The following CCNYL1 variants were observed in gnomAD, a reference collection of about 807,000 sequenced individuals.
CCNYL1 encodes cyclin Y like 1.
A neutral mutation model predicts 44.2 loss-of-function variants in CCNYL1; 16 were observed. That is an observed-to-expected ratio of 0.36 (90% CI 0.25 to 0.55). The LOEUF (loss-of-function observed/expected upper bound fraction) is 0.55. Among genes scored for constraint, CCNYL1 ranks in the 20% least tolerant of loss-of-function variants. CCNYL1 has a pLI of 0.85. For synonymous variants in CCNYL1, 159 were observed against 163.2 expected (o/e 0.97, Z 0.20); for missense variants, 348 against 451.8 (o/e 0.77, Z 2.08).
intron 1 of CCNYL1, among the ~76,000 whole-genome samples, chr2:207,716,936 C>G (rs895567471): frequency 2.0e-4 from 31 of 151,962 alleles, no homozygotes; most frequent in Non-Finnish European, 1.3e-4. Context: ...GGTGAAACCC[C>G]GTCTCTACGA....
chr2:207,746,996 T>G, intron 7 of CCNYL1, 51 bp from the exon 8 acceptor site: 1 of 1,356,326 alleles, frequency 7.4e-7, no homozygotes, highest in Non-Finnish European at 1.0e-6. Flanking sequence ...AAAAAGCTTA[T>G]CAAAGCATTT....
chr2:207,748,309 C>T (rs985640817), intron 8 of CCNYL1, among the ~76,000 whole-genome samples: 3 of 152,152 alleles, frequency 2.0e-5, no homozygotes, highest in Non-Finnish European at 4.4e-5. Flanking sequence ...CCTGGGCACT[C>T]GGACAACCAC....
intron 5 of CCNYL1, 84 bp from the exon 6 acceptor site, chr2:207,740,568 GCAT>G: frequency 4.8e-6 from 4 of 839,800 alleles, no homozygotes; most frequent in East Asian, 2.5e-5. Context: ...CAAACAGGAG[GCAT>G]CTCCCGCCAC....
intron 8 of CCNYL1, 81 bp from the exon 9 acceptor site, chr2:207,750,876 C>A: frequency 1.7e-6 from 2 of 1,208,764 alleles, no homozygotes; most frequent in South Asian, 1.4e-5. Context: ...CCATTCTAGT[C>A]TCTTAGAATG....
rs770646092 is a variant in CCNYL1 at position 207,715,379 on chromosome 2, CTTTTTT to C, written c.220+3280_220+3285del. Among the ~76,000 whole-genome samples the C allele has an allele frequency of 1.5e-4, 15 of 100,760 alleles. 1 individual carries two copies. The highest frequency in any genetic ancestry group is 3.0e-4 in the African/African-American group (8 of 26,432). 66.1% of individuals were successfully genotyped at this position (100,760 alleles called of 152,430 possible). On this transcript the variant is annotated intron_variant, in intron 1 of 9. Coordinates refer to ENST00000295414, the MANE Select transcript of CCNYL1 (RefSeq NM_001330218.2). The stretch of plus-strand genomic sequence containing the variant: ...CTCGGCTTTGTTCTTCAAGCTATTT[CTTTTTT>C]TTTTTTTTTTTTTTTTGACAGAGCT...
chr2:207,716,724 CAT>C (rs1422708218), intron 1 of CCNYL1, among the ~76,000 whole-genome samples: 9 of 152,164 alleles, frequency 5.9e-5, no homozygotes, highest in African/African-American at 1.9e-4. Flanking sequence ...CCGATAAAAA[CAT>C]ATTTTGATGA....
intron 5 of CCNYL1, among the ~76,000 whole-genome samples, chr2:207,738,815 G>C (rs1414268306): frequency 2.0e-5 from 3 of 151,962 alleles, no homozygotes; most frequent in Admixed American, 1.3e-4. Context: ...CGCCTCCCGG[G>C]TTCAAGCGAT....
intron 1 of CCNYL1, among the ~76,000 whole-genome samples, chr2:207,721,432 T>C (rs1559165207): frequency 6.6e-6 from 1 of 152,236 alleles, no homozygotes; most frequent in Non-Finnish European, 1.5e-5. Context: ...AGTTCCATAT[T>C]TTTACATTTT....
chr2:207,724,787 T>C lies in CCNYL1; in HGVS notation c.221-13T>C. The stretch of plus-strand genomic sequence containing the variant: ...CACCTAAAGTGTCACGTCTTTTTCC[T>C]CCTCTTCTATAGATTTAGCTTTGGA... On this transcript the variant is annotated splice_polypyrimidine_tract_variant and intron_variant, in intron 1 of 9. Transcript: ENST00000295414. The C allele has an allele frequency of 6.2e-7, 1 of 1,603,698 alleles. No individual in the cohort carries two copies. The highest frequency in any genetic ancestry group is 2.2e-5 in the East Asian group (1 of 44,796).
At chr2:207,712,499 C>T (rs1429960676) in intron 1 of CCNYL1, among the ~76,000 whole-genome samples, 3 of 152,080 alleles carry the variant, frequency 2.0e-5, no homozygotes, top group Admixed American at 1.3e-4. Flanking sequence ...AGTACTCATC[C>T]CATTCCCTCC....
chr2:207,745,599 C>G (rs553993419), intron 7 of CCNYL1, among the ~76,000 whole-genome samples: 1 of 152,312 alleles, frequency 6.6e-6, no homozygotes, highest in South Asian at 2.1e-4. Flanking sequence ...AGAACACTGC[C>G]AGATCTGATC....
At chr2:207,718,056 C>T (rs2091610617) in intron 1 of CCNYL1, among the ~76,000 whole-genome samples, 1 of 151,810 alleles carries the variant, frequency 6.6e-6, no homozygotes, top group African/African-American at 2.4e-5. Flanking sequence ...AAGCACGTGC[C>T]ACCACACCCG....
chr2:207,742,450 T>A, intron 7 of CCNYL1, 108 bp downstream of exon 7: 1 of 1,019,810 alleles, frequency 9.8e-7, no homozygotes, highest in Non-Finnish European at 1.4e-6. Flanking sequence ...ATCAGAACTT[T>A]AAGAGAAACC....
At chr2:207,724,072 G>T (rs551636374) in intron 1 of CCNYL1, among the ~76,000 whole-genome samples, 2 of 152,094 alleles carry the variant, frequency 1.3e-5, no homozygotes. Flanking sequence ...TCTTGACATA[G>T]ATAGGGGCAA....
chr2:207,746,137 A>C (rs1030836140), intron 7 of CCNYL1, among the ~76,000 whole-genome samples: 3 of 152,242 alleles, frequency 2.0e-5, no homozygotes, highest in African/African-American at 7.2e-5. Context: ...CCAGGGGTCC[A>C]GAGACATCCT....
In CCNYL1 at chr2:207,754,993, G is replaced by T. The variant is rs1328603307; in HGVS notation, c.*1295G>T. 1 of 152,054 alleles carries T rather than the reference G, an allele frequency of 6.6e-6. No homozygotes were observed. The highest frequency in any genetic ancestry group is 1.5e-5 in the Non-Finnish European group (1 of 68,032). 9.4% of individuals were successfully genotyped at this position (152,054 alleles called of 1,614,324 possible). Reference sequence around the variant, plus strand: ...GAGGTCAAGTATTGGAGGCTGCAGTGTACCATGATGGTGCCTATAGGAATA... The same window carrying T: ...GAGGTCAAGTATTGGAGGCTGCAGTTTACCATGATGGTGCCTATAGGAATA... On this transcript the variant is annotated 3_prime_UTR_variant, in exon 10 of 10. Coordinates refer to ENST00000295414, the MANE Select transcript of CCNYL1 (RefSeq NM_001330218.2).
At position 207,755,991 on chromosome 2, in the gene CCNYL1, GATAA is replaced by G. The variant is rs2091929201; in HGVS notation, c.*2298_*2301del. On this transcript the variant is annotated 3_prime_UTR_variant, in exon 10 of 10. Transcript: ENST00000295414. ...ATTTTTAAAGGACAGAGACATAAAT[GATAA>G]ATAATGGTATACAAATATTACAATC... 6.6e-6 allele frequency: 1 copy of G among 151,666 alleles called. No individual in the cohort carries two copies. Among genetic ancestry groups the G allele is most frequent in the African/African-American group, 2.4e-5 (1 of 40,992 alleles). The allele number at this position is 151,666 out of a possible 1,614,324, so 9.4% of individuals were successfully genotyped here.
chr2:207,713,809 A>C (rs2091571861), intron 1 of CCNYL1, among the ~76,000 whole-genome samples: 1 of 152,212 alleles, frequency 6.6e-6, no homozygotes, highest in African/African-American at 2.4e-5. Flanking sequence ...AGAATGAACA[A>C]ATATATTATG....
At chr2:207,726,950 A>T in intron 3 of CCNYL1, 74 bp downstream of exon 3, 1 of 1,067,900 alleles carries the variant, frequency 9.4e-7, no homozygotes, top group Non-Finnish European at 1.3e-6. Context: ...CCATAAAAAT[A>T]TAATGGGGAC....
Sources: allele counts gnomAD v4.1 joint callset (sites outside exome capture counted in the v4.1 genomes callset), GRCh38; gene constraint gnomAD v4.1.1; transcripts MANE v1.5; gene names NCBI Gene and HGNC (gene_info 2026-07-23, HGNC 2026-07-21).